The following METTL15 variants were observed in gnomAD, a reference collection of about 807,000 sequenced individuals.
METTL15 encodes the protein methyltransferase 15, mitochondrial 12S rRNA N4-cytidine, also known as 12S rRNA N(4)-cytidine methyltransferase METTL15.
Under a neutral mutation model 38.3 loss-of-function variants are expected in METTL15, and 34 were observed. That is an observed-to-expected ratio of 0.89 (90% confidence interval 0.68 to 1.18). The LOEUF is 1.18. METTL15 is among the 50% of genes most tolerant of loss of function. The pLI, the probability that METTL15 is intolerant of heterozygous loss-of-function variation, is 0.00. For missense variants in METTL15, 438 were observed against 498.4 expected (o/e 0.88, Z 1.15); for synonymous variants, 162 against 170.9 (o/e 0.95, Z 0.41).
At chr11:28,441,026 G>A (rs1288271844) in intron 6 of METTL15, among the ~76,000 whole-genome samples, 1 of 151,178 alleles carries the variant, frequency 6.6e-6, no homozygotes, top group Non-Finnish European at 1.5e-5. Context: ...GCGGGGCAGG[G>A]GGCATTCTGG....
intron 3 of METTL15, among the ~76,000 whole-genome samples, chr11:28,139,050 C>T (rs1231364341): frequency 6.6e-6 from 1 of 152,094 alleles, no homozygotes. Context: ...GAGGGAGGCC[C>T]GAAGTCCAGC....
intron 3 of METTL15, among the ~76,000 whole-genome samples, chr11:28,207,974 A>G (rs1166014343): frequency 6.6e-6 from 1 of 151,796 alleles, no homozygotes; most frequent in Non-Finnish European, 1.5e-5. Context: ...ATCATTTTTT[A>G]TTGCATCTAT....
At chr11:28,265,896 T>G (rs1855397020) in intron 4 of METTL15, among the ~76,000 whole-genome samples, 1 of 152,230 alleles carries the variant, frequency 6.6e-6, no homozygotes, top group African/African-American at 2.4e-5. Flanking sequence ...TGTGCCATGT[T>G]GGTGTGCTGC....
At chr11:28,409,809 A>G (rs1468922664) in intron 5 of METTL15, among the ~76,000 whole-genome samples, 1 of 152,270 alleles carries the variant, frequency 6.6e-6, no homozygotes, top group Admixed American at 6.5e-5. Flanking sequence ...TAGAAAATAG[A>G]AAAATAATAG....
intron 4 of METTL15, among the ~76,000 whole-genome samples, chr11:28,242,116 T>G (rs1278710706): frequency 3.3e-5 from 5 of 152,210 alleles, no homozygotes; most frequent in African/African-American, 1.2e-4. Context: ...GAATATTGAC[T>G]AAAATTTTGA....
At chr11:28,242,283 C>A (rs777537054) in intron 4 of METTL15, among the ~76,000 whole-genome samples, 1 of 152,166 alleles carries the variant, frequency 6.6e-6, no homozygotes, top group Non-Finnish European at 1.5e-5. Flanking sequence ...CTCTCATGCT[C>A]CATCTCTACT....
intron 6 of METTL15, among the ~76,000 whole-genome samples, chr11:28,451,162 AC>A (rs1337782061): frequency 1.3e-5 from 2 of 152,210 alleles, no homozygotes; most frequent in Non-Finnish European, 2.9e-5. Flanking sequence ...CAAAAAACTT[AC>A]GGGAAGAGCG....
intron 5 of METTL15, among the ~76,000 whole-genome samples, chr11:28,406,678 CTT>C (rs1850676938): frequency 6.6e-6 from 1 of 152,112 alleles, no homozygotes; most frequent in South Asian, 2.1e-4. Flanking sequence ...TGCTTTATTT[CTT>C]TCTCTTGCGT....
intron 6 of METTL15, among the ~76,000 whole-genome samples, chr11:28,469,455 G>A (rs1329839390): frequency 6.6e-6 from 1 of 152,070 alleles, no homozygotes; most frequent in Non-Finnish European, 1.5e-5. Context: ...TAAATTTCAA[G>A]TATGCAATAT....
chr11:28,142,916 A>G (rs1017132679), intron 3 of METTL15, among the ~76,000 whole-genome samples: 11 of 152,122 alleles, frequency 7.2e-5, no homozygotes, highest in Non-Finnish European at 2.9e-5. Context: ...AATTGTATTT[A>G]TTGAAAGAGA....
intron 6 of METTL15, among the ~76,000 whole-genome samples, chr11:28,309,991 A>T (rs917776242): frequency 7.9e-5 from 12 of 152,050 alleles, no homozygotes; most frequent in African/African-American, 2.9e-4. Context: ...TCTGCATTAC[A>T]CATATTTTGG....
intron 6 of METTL15, among the ~76,000 whole-genome samples, chr11:28,436,349 A>G (rs1003550282): frequency 6.6e-6 from 1 of 152,170 alleles, no homozygotes; most frequent in Non-Finnish European, 1.5e-5. Flanking sequence ...TGCATTATAA[A>G]CCACTCCAAA....
intron 5 of METTL15, among the ~76,000 whole-genome samples, chr11:28,385,809 G>GT (rs1564915252): frequency 6.6e-6 from 1 of 152,030 alleles, no homozygotes; most frequent in Non-Finnish European, 1.5e-5. Flanking sequence ...TTTTCTGTGT[G>GT]TGTGTGTGAG....
intron 5 of METTL15, among the ~76,000 whole-genome samples, chr11:28,366,872 G>T (rs910007573): frequency 6.6e-6 from 1 of 152,112 alleles, no homozygotes; most frequent in African/African-American, 2.4e-5. Flanking sequence ...TAGTCCAAAA[G>T]GTCTTTATGA....
At chr11:28,420,127 A>G (rs1850807264) in intron 5 of METTL15, among the ~76,000 whole-genome samples, 1 of 152,210 alleles carries the variant, frequency 6.6e-6, no homozygotes, top group Non-Finnish European at 1.5e-5. Context: ...ATACTAACAG[A>G]GACCTTTCCA....
chr11:28,334,835 A>G (rs1007087937), downstream of METTL15, among the ~76,000 whole-genome samples: 1 of 152,196 alleles, frequency 6.6e-6, no homozygotes, highest in Non-Finnish European at 1.5e-5. Context: ...TGTACAACAT[A>G]CAATGGTCAT....
intron 4 of METTL15, among the ~76,000 whole-genome samples, chr11:28,234,881 A>G (rs1321800893): frequency 6.8e-6 from 1 of 147,782 alleles, no homozygotes; most frequent in African/African-American, 2.5e-5. Context: ...GTCCTTGCCC[A>G]TGCCTATGTC....
intron 3 of METTL15, among the ~76,000 whole-genome samples, chr11:28,170,289 C>T (rs1325168631): frequency 3.3e-5 from 5 of 151,954 alleles, no homozygotes; most frequent in Non-Finnish European, 4.4e-5. Flanking sequence ...CTAGGTTTTC[C>T]TGGTTGGTTT....
chr11:28,185,114 A>G (rs1590124176), intron 3 of METTL15, among the ~76,000 whole-genome samples: 2 of 151,546 alleles, frequency 1.3e-5, no homozygotes, highest in Non-Finnish European at 1.5e-5. Flanking sequence ...TTTGAAGTCA[A>G]TCTACAGTGG....
Sources: gnomAD v4.1 joint callset for allele counts (sites outside exome capture counted in the v4.1 genomes callset) on GRCh38, gnomAD v4.1.1 for gene constraint, MANE v1.5 for transcripts, NCBI Gene and HGNC (gene_info 2026-07-23, HGNC 2026-07-21) for gene names.